SLC45A4: variants seen among roughly 807,000 people sequenced by gnomAD.
The protein encoded by SLC45A4 is solute carrier family 45 member 4, also known as polyamine-transporter SLC45A4.
A neutral mutation model predicts 63.7 loss-of-function variants in SLC45A4; 32 were observed. That is an observed-to-expected ratio of 0.50 (90% CI 0.38 to 0.67). The LOEUF (loss-of-function observed/expected upper bound fraction) is 0.67. Among genes scored for constraint, SLC45A4 ranks in the 30% least tolerant of loss-of-function variants. The pLI, the probability that SLC45A4 is intolerant of heterozygous loss-of-function variation, is 0.00. For missense variants in SLC45A4, 1,027 were observed against 1,157.7 expected (o/e 0.89, Z 1.64); for synonymous variants, 535 against 510.0 (o/e 1.05, Z -0.66).
At chr8:141,281,684 G>C (rs1429697454) in intron 1 of SLC45A4, among the ~76,000 whole-genome samples, 3 of 152,128 alleles carry the variant, frequency 2.0e-5, no homozygotes, top group Non-Finnish European at 4.4e-5. Context: ...AAAAACACAG[G>C]ACCATCTAGC....
In SLC45A4 at chr8:141,212,293, G is replaced by A. The variant is rs768310321; in HGVS notation, c.2205C>T (p.Ala735=). The change falls in exon 8 of 9, where the codon GCC becomes GCT. Residue 735 remains alanine, a synonymous_variant. Transcript: ENST00000517878. ...TGTTCCCACCGGCCCTGCCTTCGCC[G>A]GCCAACGGGGAAGACAGGCCTTTCT... ...EEQKGLSSPL[A]GEGRAGGNSE... 20 of 1,607,534 alleles carry A rather than the reference G, an allele frequency of 1.2e-5. No individual in the cohort carries two copies. The Admixed American group carries it at 1.3e-4, about 11-fold the overall frequency.
chr8:141,217,326 C>A, intron 5 of SLC45A4, 137 bp from the exon 6 acceptor site: 1 of 854,120 alleles, frequency 1.2e-6, no homozygotes, highest in Non-Finnish European at 1.8e-6. Context: ...AGGAGGAGAG[C>A]CCAGCCCAAG....
rs763362460 is a variant in SLC45A4 at position 141,218,773 on chromosome 8, C to A, written c.867G>T (p.Ser289=). Residue 289 remains serine (S), a synonymous_variant, in exon 5 of 9, where the codon TCG becomes TCT. Transcript: ENST00000517878. The stretch of plus-strand genomic sequence containing the variant: ...GGTAGTCCAGGGCCAGCTCGTGCTC[C>A]GACTGTACCTCGTCTGGGAAGGCAG... The part of the protein sequence containing the change: ...GVPAFPDEVQ[S]EHELALDYPD... The A allele has an allele frequency of 1.9e-6, 3 of 1,613,242 alleles. No homozygotes were observed. Among genetic ancestry groups the A allele is most frequent in the Non-Finnish European group, 1.7e-6 (2 of 1,179,844 alleles).
chr8:141,224,334 C>T (rs1826846214), intron 2 of SLC45A4: 2 of 152,244 alleles, frequency 1.3e-5, no homozygotes, highest in African/African-American at 2.4e-5. Flanking sequence ...GATTTCTGGA[C>T]ACACATCCTG....
intron 2 of SLC45A4, among the ~76,000 whole-genome samples, chr8:141,231,389 G>A (rs1036616964): frequency 4.6e-5 from 7 of 152,238 alleles, no homozygotes; most frequent in African/African-American, 1.7e-4. Context: ...AGGCCGGTTT[G>A]GTCCAACCTA....
intron 1 of SLC45A4, among the ~76,000 whole-genome samples, chr8:141,287,922 G>A (rs987742687): frequency 6.6e-6 from 1 of 152,156 alleles, no homozygotes; most frequent in East Asian, 1.9e-4. Flanking sequence ...GCTCCATCTC[G>A]TACCCTCTTG....
At chr8:141,298,098 C>T (rs1440185751) in intron 1 of SLC45A4, among the ~76,000 whole-genome samples, 1 of 152,226 alleles carries the variant, frequency 6.6e-6, no homozygotes, top group African/African-American at 2.4e-5. Flanking sequence ...ACTCCCCAGG[C>T]TCTTTCTGCA....
At chr8:141,259,415 A>C (rs1461218334) in intron 1 of SLC45A4, among the ~76,000 whole-genome samples, 1 of 152,078 alleles carries the variant, frequency 6.6e-6, no homozygotes, top group African/African-American at 2.4e-5. Flanking sequence ...TGGTCGAGGG[A>C]TCACCCTTCG....
In SLC45A4 at chr8:141,229,008, C is replaced by T. The variant is rs2154614276; in HGVS notation, c.242-7243G>A. On this transcript the variant is annotated intron_variant, in intron 2 of 8. Coordinates refer to ENST00000517878, the MANE Select transcript of SLC45A4 (RefSeq NM_001286646.2). This position sits in a 1 kb window ranked among gnomAD's most constrained non-coding sequence, Gnocchi z 5.0. ...GCCGCTGCCTCCTCGGCTGCACATC[C>T]CCGCCGTACACTTGTCTCCCCATCG... Among the ~76,000 whole-genome samples the T allele has an allele frequency of 1.3e-5, 2 of 152,256 alleles. No homozygotes were observed. The highest frequency in any genetic ancestry group is 1.3e-4 in the Admixed American group (2 of 15,300).
chr8:141,234,937 T>C (rs1220417844), intron 2 of SLC45A4, among the ~76,000 whole-genome samples: 1 of 152,186 alleles, frequency 6.6e-6, no homozygotes, highest in Non-Finnish European at 1.5e-5. Context: ...ACTGGCTGTT[T>C]AAATGTGTGT....
rs1251036638 is a variant in SLC45A4, at chr8:141,209,773, CCTTA to C, written c.*1795_*1798del. 1.3e-5 allele frequency: 2 copies of C among 152,210 alleles called. No individual in the cohort carries two copies. Among genetic ancestry groups the C allele is most frequent in the African/African-American group, 2.4e-5 (1 of 41,448 alleles). The allele number at this position is 152,210 out of a possible 1,614,324, so 9.4% of individuals were successfully genotyped here. A position where few individuals can be genotyped will look rare whatever the true frequency, so the allele number is the denominator to read the frequency against. On this transcript the variant is annotated 3_prime_UTR_variant, in exon 9 of 9. Transcript: ENST00000517878. ...GAGGGCACTGAATGGCCTTTGTTGTCCTTACTTCAGATTAGTCGAGGCTGGGATC... is the reference window on the plus strand; with the variant it reads ...GAGGGCACTGAATGGCCTTTGTTGTCCTTCAGATTAGTCGAGGCTGGGATC...
At chr8:141,221,882 C>T (rs913433483) in intron 2 of SLC45A4, 117 bp from the exon 3 acceptor site, 1 of 1,077,570 alleles carries the variant, frequency 9.3e-7, no homozygotes, top group Non-Finnish European at 1.3e-6. Context: ...TGCGCACATC[C>T]CCTGCTCAGG....
At chr8:141,235,945 T>C (rs896315360) in intron 2 of SLC45A4, among the ~76,000 whole-genome samples, 2 of 151,816 alleles carry the variant, frequency 1.3e-5, no homozygotes, top group African/African-American at 4.8e-5. Context: ...CTACTAAAAA[T>C]ATAAAAAAAT....
intron 6 of SLC45A4, among the ~76,000 whole-genome samples, chr8:141,216,411 C>G (rs1826157640): frequency 6.6e-6 from 1 of 152,234 alleles, no homozygotes; most frequent in Non-Finnish European, 1.5e-5. Context: ...TCTTCCCTCA[C>G]CCTTCCTGAT....
rs1359014484 is a variant in SLC45A4, at chr8:141,218,230, G to A, written c.1410C>T (p.His470=). ...AGGTGGTGGCCCCGCTCTGGTTCCG[G>A]TGCCGGTGCTGCCGCTGCCGCTTCT... ...DMQKRQRQHR[H]RNQSGATTSS... Residue 470 remains histidine (H), a synonymous_variant, in exon 5 of 9, where the codon CAC becomes CAT. Transcript: ENST00000517878. 4 of 1,601,944 alleles carry A rather than the reference G, an allele frequency of 2.5e-6. No individual in the cohort carries two copies. The highest frequency in any genetic ancestry group is 3.4e-6 in the Non-Finnish European group (4 of 1,179,648).
rs1589788399 is a variant in SLC45A4, at chr8:141,230,211, G to A, written c.242-8446C>T. On this transcript the variant is annotated intron_variant, in intron 2 of 8. Coordinates refer to ENST00000517878, the MANE Select transcript of SLC45A4 (RefSeq NM_001286646.2). ...CACAGGCCTCTGTTTCTGCATCACC[G>A]ACTCAAATAAGACCCACTGTGGCTG... 4.7e-5 allele frequency: 21 copies of A among 443,258 alleles called. 2 individuals carry two copies. Among genetic ancestry groups the A allele is most frequent in the South Asian group, 3.2e-4 (20 of 62,884 alleles). The allele number at this position is 443,258 out of a possible 1,614,324, so 27.5% of individuals were successfully genotyped here. A position where few individuals can be genotyped will look rare whatever the true frequency, so the allele number is the denominator to read the frequency against.
chr8:141,268,596 TA>T (rs1442441738), intron 1 of SLC45A4, among the ~76,000 whole-genome samples: 1 of 152,214 alleles, frequency 6.6e-6, no homozygotes, highest in Non-Finnish European at 1.5e-5. Flanking sequence ...GTTGTGAACC[TA>T]AAACTGCTCT....
rs776543863 is a variant in SLC45A4, at chr8:141,218,525, G to A, written c.1115C>T (p.Thr372Ile). The change falls in exon 5 of 9, where the codon ACC (threonine) becomes ATC (isoleucine). Residue 372 changes from threonine to isoleucine, a missense_variant. Physicochemically the swap from Thr to Ile is moderately conservative, Grantham distance 89 (BLOSUM62 -1). Transcript: ENST00000517878. ...TTCATTCAAGTGATTATCCAGCAAGGTCTCGTCCTCCTTGGCGGCTTCCTT... is the reference window on the plus strand; with the variant it reads ...TTCATTCAAGTGATTATCCAGCAAGATCTCGTCCTCCTTGGCGGCTTCCTT... ...FLKEAAKEDE[T>I]LLDNHLNEAK... The A allele has an allele frequency of 4.3e-6, 7 of 1,613,578 alleles. No homozygotes were observed. The highest frequency in any genetic ancestry group is 2.2e-5 in the East Asian group (1 of 44,878).
intron 1 of SLC45A4, among the ~76,000 whole-genome samples, chr8:141,263,379 AAAAAAAGAAGAAG>A (rs201466612): frequency 0.36 from 55,281 of 151,490 alleles, 10,592 homozygotes; most frequent in East Asian, 0.48. Context: ...ATAAAATTTT[AAAAAAAGAAGAAG>A]AAAAAAGAAA....
Sources: gnomAD v4.1 joint callset for allele counts (sites outside exome capture counted in the v4.1 genomes callset) on GRCh38, gnomAD v4.1.1 for gene constraint, Gnocchi (gnomAD v3.1) non-coding constraint, MANE v1.5 for transcripts, NCBI Gene and HGNC (gene_info 2026-07-23, HGNC 2026-07-21) for gene names.